Variants in RNF149 observed in about 807,000 individuals in gnomAD.
RNF149 encodes the protein ring finger protein 149, also known as E3 ubiquitin-protein ligase RNF149.
RNF149 carries 21 observed loss-of-function variants against 39.0 expected under a neutral mutation model. The observed-to-expected ratio is 0.54, with a 90% CI of 0.38 to 0.77. The LOEUF (loss-of-function observed/expected upper bound fraction) is 0.77. Ranked by LOEUF, RNF149 falls within the 30% of genes least tolerant of loss-of-function variation. The pLI is 0.00. For synonymous variants in RNF149, 209 were observed against 213.6 expected, an observed-to-expected ratio of 0.98 and a Z score of 0.19; for missense variants, 493 against 534.9, an observed-to-expected ratio of 0.92 and a Z score of 0.77.
At chr2:101,282,159 C>A in intron 5 of RNF149, 102 bp from the exon 6 acceptor site, 1 of 1,488,830 alleles carries the variant, frequency 6.7e-7, no homozygotes, top group Admixed American at 2.2e-5. Flanking sequence ...TTACGTACTT[C>A]TGTACAATGA....
Position 101,295,615 on chromosome 2 carries a change from C to T in RNF149, c.461-434G>A, listed in dbSNP as rs149562488. 4.4e-3 allele frequency among the ~76,000 whole-genome samples: 654 copies of T among 149,968 alleles called. 13 individuals are homozygous for T. In the East Asian group the frequency reaches 0.075, roughly 17 times the overall value. On this transcript the variant is annotated intron_variant, in intron 1 of 6. Coordinates refer to ENST00000295317, the MANE Select transcript of RNF149 (RefSeq NM_173647.4). ...AGCGGAGGTTGCAGTGAGCTGAGAT[C>T]GCGCCACTGCACTCCAGCCCGGGCG...
At chr2:101,282,303 G>A (rs1370369558) in intron 5 of RNF149, among the ~76,000 whole-genome samples, 1 of 151,842 alleles carries the variant, frequency 6.6e-6, no homozygotes, top group Non-Finnish European at 1.5e-5. Flanking sequence ...TACAAGCAAT[G>A]CCACCTTTTA....
chr2:101,304,630 A>G (rs143118704), intron 1 of RNF149, among the ~76,000 whole-genome samples: 1 of 152,190 alleles, frequency 6.6e-6, no homozygotes, highest in African/African-American at 2.4e-5. Flanking sequence ...TATGTCTGCT[A>G]AAGTAAACAG....
At chr2:101,288,862 T>C (rs1476696999) in intron 4 of RNF149, 111 bp downstream of exon 4, 4 of 610,630 alleles carry the variant, frequency 6.6e-6, no homozygotes, top group Non-Finnish European at 1.2e-5. Flanking sequence ...AAAGAAGAGA[T>C]GATCACAAAT....
intron 3 of RNF149, among the ~76,000 whole-genome samples, chr2:101,290,512 TA>T (rs1320556390): frequency 1.3e-5 from 2 of 152,236 alleles, no homozygotes; most frequent in African/African-American, 4.8e-5. Context: ...TGCTATATTA[TA>T]AAATAAACTA....
At chr2:101,287,954 C>T (rs1267651884) in intron 4 of RNF149, among the ~76,000 whole-genome samples, 2 of 152,050 alleles carry the variant, frequency 1.3e-5, no homozygotes, top group Non-Finnish European at 2.9e-5. Context: ...TAAAATGAAC[C>T]CTTTTAGCAA....
chr2:101,283,717 T>G (rs1313462644), intron 5 of RNF149, among the ~76,000 whole-genome samples: 1 of 152,168 alleles, frequency 6.6e-6, no homozygotes, highest in Non-Finnish European at 1.5e-5. Context: ...CTTTCTGAAA[T>G]TAACATTCTA....
intron 5 of RNF149, 134 bp from the exon 6 acceptor site, chr2:101,282,191 T>C (rs1682619713): frequency 2.3e-6 from 3 of 1,308,862 alleles, no homozygotes; most frequent in African/African-American, 3.0e-5. Context: ...AGCACATCAA[T>C]GTCTCCCTTA....
intron 2 of RNF149, 53 bp downstream of exon 2, chr2:101,294,878 C>T (rs1401220272): frequency 2.2e-6 from 3 of 1,377,730 alleles, no homozygotes; most frequent in South Asian, 2.5e-5. Context: ...ATATATGCGG[C>T]ATATTTATGA....
intron 3 of RNF149, among the ~76,000 whole-genome samples, chr2:101,292,594 G>A (rs1033320474): frequency 6.6e-6 from 1 of 151,968 alleles, no homozygotes; most frequent in Non-Finnish European, 1.5e-5. Flanking sequence ...GTGAAACTCC[G>A]TCTCTACTAA....
intron 6 of RNF149, among the ~76,000 whole-genome samples, chr2:101,279,037 T>G (rs1682460318): frequency 6.6e-6 from 1 of 152,258 alleles, no homozygotes; most frequent in South Asian, 2.1e-4. Flanking sequence ...TATTAATGCC[T>G]GATTTTTCTA....
chr2:101,290,679 T>TA (rs1378563500), intron 3 of RNF149, among the ~76,000 whole-genome samples: 1 of 152,248 alleles, frequency 6.6e-6, no homozygotes, highest in Non-Finnish European at 1.5e-5. Flanking sequence ...TGAAAATAGT[T>TA]ACCTCACTAG....
chr2:101,297,612 A>G (rs1683285546), intron 1 of RNF149, among the ~76,000 whole-genome samples: 1 of 151,766 alleles, frequency 6.6e-6, no homozygotes, highest in Admixed American at 6.6e-5. Context: ...TCCCACCTCG[A>G]CCTCTCACAG....
chr2:101,277,320 G>A (rs764061674), intron 6 of RNF149, 39 bp from the exon 7 acceptor site: 2 of 1,586,448 alleles, frequency 1.3e-6, no homozygotes, highest in Admixed American at 3.7e-5. Context: ...TCAGAAGAGG[G>A]CAGCATATTC....
chr2:101,308,202 C>A lies in RNF149; in HGVS notation c.387G>T (p.Arg129=). 1 of 1,609,550 alleles carries A rather than the reference C, an allele frequency of 6.2e-7. No individual in the cohort carries two copies. The change falls in exon 1 of 7, where the codon CGG becomes CGT. Residue 129 remains arginine (R), a synonymous_variant. Coordinates refer to ENST00000295317, the MANE Select transcript of RNF149 (RefSeq NM_173647.4). The stretch of plus-strand genomic sequence containing the variant: ...AGAGGACGACGGCCGAGGCGTTCCT[C>A]CGCGCCGCCACCAGCACCTTGTCCT... ...TFKDKVLVAA[R]RNASAVVLYN...
At position 101,308,236 on chromosome 2, in the gene RNF149, C is replaced by CA; in HGVS notation, c.352dup (p.Cys118LeufsTer23). Reference sequence around the variant, plus strand: ...CACCAGCACCTTGTCCTTGAAGGTGCAGCCCCCACGAGCCACCAGGGCGAC... The same window carrying CA: ...CACCAGCACCTTGTCCTTGAAGGTGCAAGCCCCCACGAGCCACCAGGGCGAC... On this transcript the variant is annotated frameshift_variant, in exon 1 of 7. Coordinates refer to ENST00000295317, the MANE Select transcript of RNF149 (RefSeq NM_173647.4). LOFTEE classifies it high-confidence loss of function. 6.2e-7 allele frequency: 1 copy of CA among 1,600,896 alleles called. No individual in the cohort carries two copies. The highest frequency in any genetic ancestry group is 8.5e-7 in the Non-Finnish European group (1 of 1,175,300).
chr2:101,286,137 C>T lies in RNF149; in HGVS notation c.904G>A (p.Asp302Asn), dbSNP rs1682784217. ...HRICIDPWLL[D>N]HRTCPMCKLD... is the part of the protein sequence containing the mutation. ...TTACACATTGGACATGTTCGGTGAT[C>T]CAAAAGCCATGGGTCAATGCATATT... The change falls in exon 5 of 7, where the codon GAT (aspartate) becomes AAT (asparagine). Residue 302 changes from aspartate (D) to asparagine (N), a missense_variant. Transcript: ENST00000295317. The T allele has an allele frequency of 6.2e-7, 1 of 1,611,752 alleles. No individual in the cohort carries two copies. The highest frequency in any genetic ancestry group is 8.5e-7 in the Non-Finnish European group (1 of 1,178,230).
At chr2:101,308,082 G>A (rs908289418) in intron 1 of RNF149, 47 bp downstream of exon 1, 5 of 1,586,796 alleles carry the variant, frequency 3.2e-6, no homozygotes, top group Non-Finnish European at 4.3e-6. Context: ...CCCCAGCCTC[G>A]GCTGCCGCGA....
At chr2:101,290,408 CTT>C (rs1682962541) in intron 3 of RNF149, among the ~76,000 whole-genome samples, 1 of 152,170 alleles carries the variant, frequency 6.6e-6, no homozygotes, top group Non-Finnish European at 1.5e-5. Context: ...GAAGAAAACA[CTT>C]TTGTACAGTT....
Sources: allele counts gnomAD v4.1 joint callset (sites outside exome capture counted in the v4.1 genomes callset), GRCh38; gene constraint gnomAD v4.1.1; transcripts MANE v1.5; gene names NCBI Gene and HGNC (gene_info 2026-07-23, HGNC 2026-07-21).